RICTOR: variants seen among roughly 807,000 people sequenced by gnomAD.
The protein encoded by RICTOR is RPTOR independent companion of MTOR complex 2.
In RICTOR, 49 loss-of-function variants were observed where a neutral mutation model predicts 214.9. That is an observed-to-expected ratio of 0.23 (90% CI 0.18 to 0.29). The LOEUF (loss-of-function observed/expected upper bound fraction) is 0.29. RICTOR is among the 10% of genes least tolerant of loss of function. The pLI, the probability that RICTOR is intolerant of heterozygous loss-of-function variation, is 1.00. For missense variants in RICTOR, 1,625 were observed against 2,047.0 expected (o/e 0.79, Z 3.98); for synonymous variants, 717 against 711.3 (o/e 1.01, Z -0.13).
At chr5:39,000,847 A>G (rs1753561811) in intron 5 of RICTOR, among the ~76,000 whole-genome samples, 1 of 152,050 alleles carries the variant, frequency 6.6e-6, no homozygotes, top group South Asian at 2.1e-4. Context: ...TAGCAAAAAC[A>G]GAAAAGAATG....
chr5:38,975,497 T>C, intron 10 of RICTOR, 40 bp downstream of exon 10: 1 of 1,403,804 alleles, frequency 7.1e-7, no homozygotes, highest in Non-Finnish European at 1.0e-6. Context: ...CAGTCTAGTT[T>C]TTCTTCTTGG....
At chr5:39,072,025 C>T (rs1759362206) in intron 2 of RICTOR, among the ~76,000 whole-genome samples, 2 of 152,152 alleles carry the variant, frequency 1.3e-5, no homozygotes, top group African/African-American at 4.8e-5. Flanking sequence ...GTCACAACAG[C>T]AACTTTTTAA....
At chr5:38,975,829 C>G (rs903678290) in intron 9 of RICTOR, among the ~76,000 whole-genome samples, 1 of 152,208 alleles carries the variant, frequency 6.6e-6, no homozygotes, top group African/African-American at 2.4e-5. Context: ...TTCTGCTTTT[C>G]TACTCAGTTC....
chr5:38,942,452 A>T lies in RICTOR; in HGVS notation c.5053-74T>A, dbSNP rs1026035890. ...TATAACATATTTATATAAATATCTA[A>T]TTTTTTTTTTTTTTTGAGATAGGGT... On this transcript the variant is annotated intron_variant, in intron 37 of 37. Coordinates refer to ENST00000357387, the MANE Select transcript of RICTOR (RefSeq NM_152756.5). 45 of 564,528 alleles carry T rather than the reference A, an allele frequency of 8.0e-5. 1 individual carries two copies. The highest frequency in any genetic ancestry group is 4.6e-4 in the South Asian group (11 of 23,894). 35.0% of individuals were successfully genotyped at this position (564,528 alleles called of 1,614,324 possible). A position where few individuals can be genotyped will look rare whatever the true frequency, so the allele number is the denominator to read the frequency against.
intron 2 of RICTOR, among the ~76,000 whole-genome samples, chr5:39,060,026 C>T (rs763460495): frequency 2.0e-5 from 3 of 152,192 alleles, no homozygotes; most frequent in Middle Eastern, 3.4e-3. Context: ...CAATACTAGA[C>T]TGTCTTCATA....
At chr5:39,046,439 CT>C (rs33965533) in intron 2 of RICTOR, among the ~76,000 whole-genome samples, 2,102 of 138,770 alleles carry the variant, frequency 0.015, 33 homozygotes, top group African/African-American at 0.046. Flanking sequence ...TGAAATATTA[CT>C]TTTTTTTTTT....
At chr5:38,970,133 G>A (rs1379942250) in intron 11 of RICTOR, 1 of 152,184 alleles carries the variant, frequency 6.6e-6, no homozygotes, top group Non-Finnish European at 1.5e-5. Context: ...ACCTAGGTGT[G>A]TAGTAGGCTG....
At chr5:38,996,762 G>A in intron 6 of RICTOR, 57 bp downstream of exon 6, 1 of 1,026,506 alleles carries the variant, frequency 9.7e-7, no homozygotes, top group South Asian at 1.5e-5. Flanking sequence ...ATCTAAAAAT[G>A]TAAATATTAA....
chr5:38,984,277 G>T (rs1342166452), intron 7 of RICTOR, among the ~76,000 whole-genome samples: 2 of 152,020 alleles, frequency 1.3e-5, no homozygotes, highest in African/African-American at 4.8e-5. Flanking sequence ...AAATCTTTGA[G>T]TTTTCCAAAC....
At chr5:38,944,680 A>G (rs772045801) in intron 35 of RICTOR, 111 bp from the exon 36 acceptor site, 2 of 985,024 alleles carry the variant, frequency 2.0e-6, no homozygotes, top group South Asian at 1.6e-5. Context: ...TCAATTACAC[A>G]TGATCTACCA....
chr5:38,978,192 T>C (rs1353936086), intron 9 of RICTOR, among the ~76,000 whole-genome samples: 2 of 152,190 alleles, frequency 1.3e-5, no homozygotes, highest in Non-Finnish European at 2.9e-5. Context: ...TATTTCTGTA[T>C]TAAACTTATT....
chr5:38,944,362 C>T, intron 36 of RICTOR, 84 bp downstream of exon 36: 1 of 1,386,864 alleles, frequency 7.2e-7, no homozygotes, highest in Non-Finnish European at 1.0e-6. Flanking sequence ...GTTAACTAGC[C>T]TAACTTTTGA....
chr5:39,026,963 G>C (rs937492175), intron 2 of RICTOR, among the ~76,000 whole-genome samples: 1 of 151,816 alleles, frequency 6.6e-6, no homozygotes, highest in Non-Finnish European at 1.5e-5. Context: ...AGCCGAGATC[G>C]CACCATTGCA....
intron 31 of RICTOR, 189 bp downstream of exon 31, chr5:38,949,523 C>T (rs551393784): frequency 1.2e-5 from 14 of 1,181,336 alleles, no homozygotes; most frequent in Non-Finnish European, 1.4e-5. Context: ...GGATTTTCTT[C>T]CCCCCTCGCA....
At chr5:38,989,144 G>A (rs901625500) in intron 7 of RICTOR, among the ~76,000 whole-genome samples, 7 of 152,096 alleles carry the variant, frequency 4.6e-5, no homozygotes, top group East Asian at 1.9e-4. Context: ...AAAATAGCAC[G>A]GTACTGGTAC....
At chr5:39,004,031 C>T (rs1036398372) in intron 3 of RICTOR, among the ~76,000 whole-genome samples, 4 of 152,166 alleles carry the variant, frequency 2.6e-5, no homozygotes, top group Non-Finnish European at 4.4e-5. Flanking sequence ...TCACATTTCA[C>T]TTTACAATTG....
chr5:38,971,991 G>A (rs766180827), intron 10 of RICTOR, 32 bp from the exon 11 acceptor site: 3 of 999,228 alleles, frequency 3.0e-6, no homozygotes, highest in South Asian at 2.9e-5. Context: ...AAAAATCACT[G>A]ACATGAATTT....
At chr5:38,953,810 A>G (rs1189217367) in intron 27 of RICTOR, among the ~76,000 whole-genome samples, 11 of 151,852 alleles carry the variant, frequency 7.2e-5, no homozygotes, top group Non-Finnish European at 1.6e-4. Context: ...CCTAATATCT[A>G]GAAGAGTGAT....
chr5:39,019,704 T>C (rs908475465), intron 3 of RICTOR, among the ~76,000 whole-genome samples: 7 of 152,214 alleles, frequency 4.6e-5, no homozygotes, highest in African/African-American at 1.7e-4. Flanking sequence ...GTTGTTTTCA[T>C]GTTTGCTAAC....
Sources: gnomAD v4.1 joint callset for allele counts (sites outside exome capture counted in the v4.1 genomes callset) on GRCh38, gnomAD v4.1.1 for gene constraint, MANE v1.5 for transcripts, NCBI Gene and HGNC (gene_info 2026-07-23, HGNC 2026-07-21) for gene names.